SEMA5A: variants seen among roughly 807,000 people sequenced by gnomAD.
SEMA5A encodes the protein semaphorin 5A.
In SEMA5A, 55 loss-of-function variants were observed where a neutral mutation model predicts 135.5. That is an observed-to-expected ratio of 0.41 (90% confidence interval 0.33 to 0.51). The LOEUF (loss-of-function observed/expected upper bound fraction) is 0.51, where lower values mean the gene tolerates loss of function less well. SEMA5A is among the 20% of genes least tolerant of loss of function. The pLI, the probability that SEMA5A is intolerant of heterozygous loss-of-function variation, is 0.37. For missense variants in SEMA5A, 1,290 were observed against 1,419.9 expected (o/e 0.91, Z 1.47); for synonymous variants, 580 against 546.5 (o/e 1.06, Z -0.85).
chr5:9,544,842 C>T (rs1283634064), intron 1 of SEMA5A, among the ~76,000 whole-genome samples: 8 of 152,342 alleles, frequency 5.3e-5, no homozygotes, highest in Admixed American at 4.6e-4. Context: ...AATCACTCCT[C>T]CACGACCGTT....
Position 9,197,321 on chromosome 5 carries a change from G to GAGA in SEMA5A, c.933-21_933-19dup. The GAGA allele has an allele frequency of 1.3e-6, 2 of 1,582,170 alleles. No individual in the cohort carries two copies. The highest frequency in any genetic ancestry group is 1.1e-5 in the South Asian group (1 of 89,582). On this transcript the variant is annotated intron_variant, in intron 9 of 22. Transcript: ENST00000382496. The stretch of plus-strand genomic sequence containing the variant: ...TGCTGTTCCTGGGAGCGGAGGGAGA[G>GAGA]AGAGAAGGCAGTCAGAGAGCTCGGC...
chr5:9,332,136 G>A (rs2150705310), intron 4 of SEMA5A, among the ~76,000 whole-genome samples: 1 of 151,878 alleles, frequency 6.6e-6, no homozygotes, highest in East Asian at 1.9e-4. Flanking sequence ...ACTCACACTG[G>A]GTCAGGTGTG....
chr5:9,346,882 GTA>G lies in SEMA5A; in HGVS notation c.125-9072_125-9071del, dbSNP rs751735094. The stretch of plus-strand genomic sequence containing the variant: ...ATATAGGCATCAATGTGGTCATTGT[GTA>G]TATATATATGTGTGTGTGTGTGTGT... On this transcript the variant is annotated intron_variant, in intron 3 of 22. Transcript: ENST00000382496. 6.8e-5 allele frequency among the ~76,000 whole-genome samples: 10 copies of G among 146,132 alleles called. No individual in the cohort carries two copies. The South Asian group carries it at 1.8e-3, about 26-fold the overall frequency.
At chr5:9,321,639 A>G (rs1469585069) in intron 4 of SEMA5A, among the ~76,000 whole-genome samples, 1 of 152,206 alleles carries the variant, frequency 6.6e-6, no homozygotes. Context: ...AGTCTGACCC[A>G]TTGTAAGCAT....
chr5:9,153,983 T>C (rs1340505252), intron 12 of SEMA5A, among the ~76,000 whole-genome samples: 1 of 146,738 alleles, frequency 6.8e-6, no homozygotes, highest in East Asian at 2.0e-4. Flanking sequence ...CAGCCAGAGG[T>C]TGCAGTGAGC....
intron 17 of SEMA5A, among the ~76,000 whole-genome samples, chr5:9,063,754 C>T (rs1009239436): frequency 1.3e-5 from 2 of 152,116 alleles, no homozygotes; most frequent in South Asian, 2.1e-4. Context: ...TCCCAAGGAG[C>T]CAAGAGAGGC....
At chr5:9,109,101 C>T (rs1397664565) in intron 15 of SEMA5A, among the ~76,000 whole-genome samples, 2 of 122,122 alleles carry the variant, frequency 1.6e-5, no homozygotes, top group Non-Finnish European at 3.1e-5. Context: ...AGTGCAGTGG[C>T]GTGATCTCGG....
intron 1 of SEMA5A, among the ~76,000 whole-genome samples, chr5:9,468,073 C>G (rs1759328679): frequency 6.6e-6 from 1 of 152,152 alleles, no homozygotes; most frequent in Non-Finnish European, 1.5e-5. Context: ...ATCTTGGTAA[C>G]TACCAAGTCC....
intron 8 of SEMA5A, among the ~76,000 whole-genome samples, chr5:9,220,702 C>T (rs777656279): frequency 1.2e-4 from 19 of 152,194 alleles, no homozygotes; most frequent in Non-Finnish European, 2.1e-4. Context: ...ACAGGGCAGA[C>T]GCTCAAGCCA....
intron 16 of SEMA5A, among the ~76,000 whole-genome samples, chr5:9,067,098 G>T (rs1737518962): frequency 6.6e-6 from 1 of 152,308 alleles, no homozygotes; most frequent in Non-Finnish European, 1.5e-5. Context: ...TGTTAGAGTG[G>T]TAGGGGAGCC....
chr5:9,207,134 A>ATATATATATATATATAT (rs1491507145), intron 8 of SEMA5A, among the ~76,000 whole-genome samples: 104 of 139,654 alleles, frequency 7.4e-4, no homozygotes, highest in South Asian at 1.2e-3. Flanking sequence ...ATATATATAT[A>ATATATATATATATATAT]AAGCTTAAAG....
chr5:9,117,308 TGGTGC>T (rs1305507916), intron 15 of SEMA5A, among the ~76,000 whole-genome samples: 2 of 152,200 alleles, frequency 1.3e-5, no homozygotes, highest in Admixed American at 1.3e-4. Flanking sequence ...AAGTTTGTGG[TGGTGC>T]CTTGACTCTA....
chr5:9,503,840 T>C (rs1029044854), intron 1 of SEMA5A, among the ~76,000 whole-genome samples: 6 of 152,208 alleles, frequency 3.9e-5, no homozygotes, highest in African/African-American at 7.2e-5. Flanking sequence ...TTTAAGTCAA[T>C]AAATGTCCAG....
At chr5:9,195,097 G>T (rs1329271666) in intron 10 of SEMA5A, among the ~76,000 whole-genome samples, 1 of 152,184 alleles carries the variant, frequency 6.6e-6, no homozygotes, top group Non-Finnish European at 1.5e-5. Context: ...AGTATTTCCT[G>T]TATTCAAGAG....
At chr5:9,178,214 T>C (rs1744306041) in intron 11 of SEMA5A, among the ~76,000 whole-genome samples, 1 of 152,192 alleles carries the variant, frequency 6.6e-6, no homozygotes, top group African/African-American at 2.4e-5. Flanking sequence ...CATCAGAATA[T>C]GTTGAACAAA....
At chr5:9,480,096 T>A (rs997362993) in intron 1 of SEMA5A, among the ~76,000 whole-genome samples, 3 of 149,620 alleles carry the variant, frequency 2.0e-5, no homozygotes, top group African/African-American at 7.4e-5. Flanking sequence ...TGTAGGACAT[T>A]CACCAGCATC....
chr5:9,102,584 T>C (rs1210165042), intron 16 of SEMA5A, among the ~76,000 whole-genome samples: 1 of 152,202 alleles, frequency 6.6e-6, no homozygotes, highest in Non-Finnish European at 1.5e-5. Flanking sequence ...ATATAGTATT[T>C]ATATCATTAA....
At chr5:9,176,998 G>A (rs1221268116) in intron 11 of SEMA5A, among the ~76,000 whole-genome samples, 2 of 152,130 alleles carry the variant, frequency 1.3e-5, no homozygotes, top group East Asian at 3.9e-4. Flanking sequence ...ATTGAAATTA[G>A]GTAGAATTTA....
intron 12 of SEMA5A, among the ~76,000 whole-genome samples, chr5:9,142,820 C>T (rs143371134): frequency 3.3e-5 from 5 of 152,204 alleles, no homozygotes; most frequent in East Asian, 1.9e-4. Flanking sequence ...AAAAATTAAC[C>T]GGGCATGATG....
Sources: allele counts gnomAD v4.1 joint callset (sites outside exome capture counted in the v4.1 genomes callset), GRCh38; gene constraint gnomAD v4.1.1; transcripts MANE v1.5; gene names NCBI Gene and HGNC (gene_info 2026-07-23, HGNC 2026-07-21).